Variants in AK5 observed in about 807,000 individuals in gnomAD.
AK5 encodes the protein adenylate kinase 5.
A neutral mutation model predicts 69.5 loss-of-function variants in AK5; 27 were observed. The ratio of observed to expected loss-of-function variants is 0.39; its 90% CI spans 0.29 to 0.54. The LOEUF (loss-of-function observed/expected upper bound fraction) is 0.54, where lower values mean the gene tolerates loss of function less well. AK5 is among the 20% of genes least tolerant of loss of function. The pLI is 0.71. For synonymous variants in AK5, 260 were observed against 244.4 expected (o/e 1.06, Z -0.60); for missense variants, 531 against 700.4 (o/e 0.76, Z 2.73).
rs556746605 is a variant in AK5 at position 77,418,825 on chromosome 1, A to G, written c.1059+1110A>G. ...TGTAATGGCTGGCTGTATATTTCATATACGTATTCAGGAGCTATTTTCTTG... is the reference window on the plus strand; with the variant it reads ...TGTAATGGCTGGCTGTATATTTCATGTACGTATTCAGGAGCTATTTTCTTG... On this transcript the variant is annotated intron_variant, in intron 8 of 13. Coordinates refer to ENST00000354567, the MANE Select transcript of AK5 (RefSeq NM_174858.3). 8.5e-5 allele frequency among the ~76,000 whole-genome samples: 13 copies of G among 152,308 alleles called. No individual in the cohort carries two copies. The South Asian group carries it at 2.7e-3, about 32-fold the overall frequency.
chr1:77,424,725 C>T (rs930309006), intron 8 of AK5, among the ~76,000 whole-genome samples: 1 of 151,944 alleles, frequency 6.6e-6, no homozygotes, highest in African/African-American at 2.4e-5. Context: ...GGCTGAAAAA[C>T]AAAGGGAAAG....
chr1:77,434,294 C>G (rs1468257224), intron 8 of AK5, among the ~76,000 whole-genome samples: 1 of 151,934 alleles, frequency 6.6e-6, no homozygotes, highest in Non-Finnish European at 1.5e-5. Flanking sequence ...CAATAACATA[C>G]TCATAAATGT....
chr1:77,445,860 C>A (rs1311961941), intron 8 of AK5, among the ~76,000 whole-genome samples: 1 of 152,218 alleles, frequency 6.6e-6, no homozygotes, highest in Non-Finnish European at 1.5e-5. Flanking sequence ...GCTGGGATTG[C>A]AGCCCTGAGC....
At chr1:77,383,279 A>AACTCTTGTTTT (rs2100507507) in intron 6 of AK5, among the ~76,000 whole-genome samples, 1 of 152,294 alleles carries the variant, frequency 6.6e-6, no homozygotes, top group South Asian at 2.1e-4. Context: ...AAACAAAACA[A>AACTCTTGTTTT]GAGTACACTT....
At chr1:77,417,846 TG>T (rs1486764007) in intron 8 of AK5, 131 bp downstream of exon 8, 1 of 588,538 alleles carries the variant, frequency 1.7e-6, no homozygotes, top group African/African-American at 1.9e-5. Context: ...ACATATTACA[TG>T]ATAAATTACA....
chr1:77,533,617 G>A (rs1023392292), intron 12 of AK5, among the ~76,000 whole-genome samples: 1 of 151,516 alleles, frequency 6.6e-6, no homozygotes, highest in Admixed American at 6.6e-5. Flanking sequence ...CTGCTGGTCC[G>A]TGGGCCACAC....
chr1:77,500,413 G>C (rs1451889657), intron 10 of AK5, among the ~76,000 whole-genome samples: 2 of 140,998 alleles, frequency 1.4e-5, no homozygotes, highest in African/African-American at 5.0e-5. Context: ...TGATGATACA[G>C]GTCCCAAATG....
At chr1:77,433,750 A>G (rs941449724) in intron 8 of AK5, among the ~76,000 whole-genome samples, 1 of 152,172 alleles carries the variant, frequency 6.6e-6, no homozygotes, top group East Asian at 1.9e-4. Context: ...TGAGGAAAAG[A>G]ACCAGCAATG....
At chr1:77,334,258 T>TA (rs1037402455) in intron 5 of AK5, among the ~76,000 whole-genome samples, 3 of 152,170 alleles carry the variant, frequency 2.0e-5, no homozygotes, top group Admixed American at 1.3e-4. Flanking sequence ...ATCAACACTT[T>TA]AAAAAAATAG....
At chr1:77,349,042 C>G (rs925286237) in intron 6 of AK5, among the ~76,000 whole-genome samples, 2 of 151,738 alleles carry the variant, frequency 1.3e-5, no homozygotes, top group Non-Finnish European at 2.9e-5. Context: ...TGTCCCCCCT[C>G]CAAAAAAAAG....
intron 10 of AK5, among the ~76,000 whole-genome samples, chr1:77,488,546 T>C (rs1655746169): frequency 6.6e-6 from 1 of 152,282 alleles, no homozygotes; most frequent in Non-Finnish European, 1.5e-5. Context: ...AGAATACATA[T>C]ATACATATAG....
At chr1:77,378,343 A>G (rs749088930) in intron 6 of AK5, among the ~76,000 whole-genome samples, 2 of 151,620 alleles carry the variant, frequency 1.3e-5, no homozygotes, top group Non-Finnish European at 2.9e-5. Context: ...TTTTTTTTAG[A>G]TGGAGTTTCG....
chr1:77,298,009 A>C (rs1329640657), intron 5 of AK5, 62 bp downstream of exon 5: 12 of 1,221,078 alleles, frequency 9.8e-6, no homozygotes, highest in Non-Finnish European at 1.4e-5. Flanking sequence ...GGGAATAAAA[A>C]CAAAAAGACT....
At chr1:77,530,236 C>T (rs1208540563) in intron 12 of AK5, among the ~76,000 whole-genome samples, 4 of 152,136 alleles carry the variant, frequency 2.6e-5, no homozygotes, top group Non-Finnish European at 5.9e-5. Flanking sequence ...CTTCTGATTC[C>T]CGGTTCACTG....
At chr1:77,539,393 C>T in intron 13 of AK5, among the ~76,000 whole-genome samples, 1 of 152,180 alleles carries the variant, frequency 6.6e-6, no homozygotes, top group East Asian at 1.9e-4. Flanking sequence ...AAAACCTCTC[C>T]AGCCCGGACT....
At chr1:77,554,896 G>A (rs548248903) in intron 13 of AK5, among the ~76,000 whole-genome samples, 7 of 151,866 alleles carry the variant, frequency 4.6e-5, no homozygotes, top group East Asian at 3.9e-4. Flanking sequence ...GATTACAGGC[G>A]TGAGCCACCA....
At chr1:77,456,591 G>A (rs924491999) in intron 8 of AK5, among the ~76,000 whole-genome samples, 4 of 152,220 alleles carry the variant, frequency 2.6e-5, no homozygotes, top group South Asian at 4.1e-4. Context: ...TTAAAAGAAC[G>A]AGGATGGGCC....
chr1:77,403,240 G>T (rs1196481342), intron 6 of AK5, among the ~76,000 whole-genome samples: 1 of 152,172 alleles, frequency 6.6e-6, no homozygotes, highest in East Asian at 1.9e-4. Context: ...CTCCCATTCT[G>T]TAGGTTGCCT....
chr1:77,466,978 T>C (rs925552514), intron 8 of AK5, among the ~76,000 whole-genome samples: 1 of 152,182 alleles, frequency 6.6e-6, no homozygotes, highest in Non-Finnish European at 1.5e-5. Context: ...ATATTTTCCA[T>C]GTATAAAGCA....
Sources: allele counts gnomAD v4.1 joint callset (sites outside exome capture counted in the v4.1 genomes callset), GRCh38; gene constraint gnomAD v4.1.1; transcripts MANE v1.5; gene names NCBI Gene and HGNC (gene_info 2026-07-23, HGNC 2026-07-21).